LTBP1: variants seen among roughly 807,000 people sequenced by gnomAD.
The protein encoded by LTBP1 is latent transforming growth factor beta binding protein 1.
LTBP1 carries 129 observed loss-of-function variants against 207.6 expected under a neutral mutation model. The ratio of observed to expected loss-of-function variants is 0.62; its 90% CI spans 0.54 to 0.72. LTBP1 has a LOEUF of 0.72. Ranked by LOEUF, LTBP1 falls within the 30% of genes least tolerant of loss-of-function variation. The probability of loss-of-function intolerance (pLI) is 0.00; values close to 1 mark genes in which losing one functional copy is unlikely to be tolerated. For synonymous variants in LTBP1, 963 were observed against 833.7 expected (o/e 1.16, Z -2.67); for missense variants, 2,281 against 2,217.2 (o/e 1.03, Z -0.58).
chr2:33,047,986 C>T (rs967818422), intron 3 of LTBP1, among the ~76,000 whole-genome samples: 1 of 152,008 alleles, frequency 6.6e-6, no homozygotes, highest in African/African-American at 2.4e-5. Context: ...TTCCTCCATC[C>T]CTTTATTTTG....
In LTBP1 at chr2:33,214,917, A is replaced by G. The variant is rs1210973924; in HGVS notation, c.1702-2635A>G. Among the ~76,000 whole-genome samples, 3 of 151,790 alleles carry G rather than the reference A, an allele frequency of 2.0e-5. No homozygotes were observed. In the East Asian group the frequency reaches 5.8e-4, roughly 29 times the overall value. On this transcript the variant is annotated intron_variant, in intron 7 of 33. Transcript: ENST00000404816. ...GTTTTGGTATGCCTAGTTTTGCTTA[A>G]CTCAGAATGTCTTTAACACCTGCTT...
chr2:33,170,933 G>A (rs2085380740), intron 5 of LTBP1, among the ~76,000 whole-genome samples: 2 of 152,184 alleles, frequency 1.3e-5, no homozygotes, highest in Admixed American at 1.3e-4. Context: ...AACTCCAACA[G>A]ACCTGCAGCT....
At chr2:33,017,276 A>G (rs1245840332) in intron 2 of LTBP1, among the ~76,000 whole-genome samples, 6 of 152,248 alleles carry the variant, frequency 3.9e-5, no homozygotes, top group Non-Finnish European at 7.3e-5. Context: ...CAATTACAGC[A>G]TGAAAGCTTG....
rs551934078 is a variant in LTBP1, at chr2:33,369,790, C to G, written c.4711+4287C>G. On this transcript the variant is annotated intron_variant, in intron 31 of 33. Transcript: ENST00000404816. Reference sequence around the variant, plus strand: ...ACCTAGAACTAGGCTTATGGATCATCTATTCTGAATCCAGAGAGAAGTACA... The same window carrying G: ...ACCTAGAACTAGGCTTATGGATCATGTATTCTGAATCCAGAGAGAAGTACA... Among the ~76,000 whole-genome samples the G allele has an allele frequency of 3.9e-5, 6 of 152,316 alleles. No individual in the cohort carries two copies. In the South Asian group the frequency reaches 1.2e-3, roughly 32 times the overall value.
intron 19 of LTBP1, among the ~76,000 whole-genome samples, chr2:33,283,454 T>TG (rs2093603546): frequency 1.1e-5 from 1 of 93,818 alleles, no homozygotes; most frequent in Non-Finnish European, 2.3e-5. Flanking sequence ...TTTTTTTTTT[T>TG]GAGACGGAGT....
chr2:33,162,557 A>C (rs553017865), intron 5 of LTBP1, among the ~76,000 whole-genome samples: 1 of 152,308 alleles, frequency 6.6e-6, no homozygotes, highest in South Asian at 2.1e-4. Flanking sequence ...CATATCCTTG[A>C]CGAGTAAGAT....
chr2:32,983,921 T>C (rs1683146442), intron 2 of LTBP1, among the ~76,000 whole-genome samples: 1 of 152,252 alleles, frequency 6.6e-6, no homozygotes, highest in African/African-American at 2.4e-5. Flanking sequence ...TCCTTTCTTT[T>C]ATTCAAGTCT....
chr2:33,393,760 A>G (rs1313457502), intron 32 of LTBP1, among the ~76,000 whole-genome samples: 4 of 152,210 alleles, frequency 2.6e-5, no homozygotes, highest in African/African-American at 9.6e-5. Context: ...ATACATGTGC[A>G]TGTGTCTTTA....
At chr2:33,157,168 G>T (rs969066479) in intron 5 of LTBP1, among the ~76,000 whole-genome samples, 6 of 152,290 alleles carry the variant, frequency 3.9e-5, no homozygotes, top group Middle Eastern at 3.4e-3. Flanking sequence ...GCTGAAAATC[G>T]TGTAAGTCAA....
intron 28 of LTBP1, 32 bp from the exon 29 acceptor site, chr2:33,363,358 C>T (rs776981411): frequency 6.2e-7 from 1 of 1,611,430 alleles, no homozygotes; most frequent in Non-Finnish European, 8.5e-7. Flanking sequence ...AACCTAACTC[C>T]TTTTTGTATT....
intron 2 of LTBP1, among the ~76,000 whole-genome samples, chr2:32,981,401 C>G (rs1682743932): frequency 6.6e-6 from 1 of 152,042 alleles, no homozygotes; most frequent in Non-Finnish European, 1.5e-5. Flanking sequence ...ATGTATTTGC[C>G]TGTCTGTTTG....
chr2:32,982,584 G>A (rs976946474), intron 2 of LTBP1, among the ~76,000 whole-genome samples: 17 of 152,204 alleles, frequency 1.1e-4, no homozygotes, highest in African/African-American at 3.9e-4. Flanking sequence ...CCCATCACAG[G>A]TCTGGAGGGA....
intron 3 of LTBP1, among the ~76,000 whole-genome samples, chr2:33,091,389 C>G (rs2079082057): frequency 7.2e-5 from 11 of 152,052 alleles, no homozygotes; most frequent in Admixed American, 7.2e-4. Flanking sequence ...TGGTCTCTCT[C>G]TGTTTTAATG....
chr2:32,960,232 A>G (rs1009266910), intron 2 of LTBP1, among the ~76,000 whole-genome samples: 5 of 152,174 alleles, frequency 3.3e-5, no homozygotes, highest in Admixed American at 6.5e-5. Flanking sequence ...TGTTGTTGTG[A>G]ATGTCAGGCA....
At chr2:33,217,434 C>T in intron 7 of LTBP1, 118 bp from the exon 8 acceptor site, 4 of 579,972 alleles carry the variant, frequency 6.9e-6, no homozygotes, top group Admixed American at 2.8e-5. Context: ...TTTTTCCTTT[C>T]TAATTGTGTC....
intron 10 of LTBP1, among the ~76,000 whole-genome samples, chr2:33,248,586 AT>A (rs201927841): frequency 0.085 from 12,005 of 140,526 alleles, 573 homozygotes; most frequent in African/African-American, 0.15. Context: ...TTCTCCACGA[AT>A]TTTTTTTTTT....
At chr2:33,311,535 G>GAAAAAA (rs11450471) in intron 23 of LTBP1, among the ~76,000 whole-genome samples, 22 of 138,356 alleles carry the variant, frequency 1.6e-4, no homozygotes, top group African/African-American at 5.5e-4. Flanking sequence ...CCAAGAGATG[G>GAAAAAA]AAAAAAAAAA....
intron 11 of LTBP1, among the ~76,000 whole-genome samples, chr2:33,253,449 T>G (rs560047712): frequency 6.6e-6 from 1 of 152,284 alleles, no homozygotes; most frequent in African/African-American, 2.4e-5. Flanking sequence ...CAAATTTATC[T>G]CTTTAAATAC....
At position 32,970,743 on chromosome 2, in the gene LTBP1, C is replaced by CT. The variant is rs35755633; in HGVS notation, c.565+21808dup. Among the ~76,000 whole-genome samples, 495 of 147,576 alleles carry CT rather than the reference C, an allele frequency of 3.4e-3. 4 individuals carry two copies. Among genetic ancestry groups the CT allele is most frequent in the African/African-American group, 0.012 (466 of 40,180 alleles). ...TAGGATTGCCTTGGTTGTTTGGGCT[C>CT]TTTTTTTTTTGTTCCATATGAACTC... is the stretch of plus-strand genomic sequence containing the variant. On this transcript the variant is annotated intron_variant, in intron 2 of 33. Coordinates refer to ENST00000404816, the MANE Select transcript of LTBP1 (RefSeq NM_206943.4).
Sources: allele counts gnomAD v4.1 joint callset (sites outside exome capture counted in the v4.1 genomes callset), GRCh38; gene constraint gnomAD v4.1.1; transcripts MANE v1.5; gene names NCBI Gene and HGNC (gene_info 2026-07-23, HGNC 2026-07-21).